Variants in PAX5 observed in about 807,000 individuals in gnomAD.
The protein encoded by PAX5 is paired box 5.
In PAX5, 9 loss-of-function variants were observed where a neutral mutation model predicts 43.7. The ratio of observed to expected loss-of-function variants is 0.21; its 90% confidence interval spans 0.12 to 0.36. The LOEUF is 0.36. PAX5 is among the 10% of genes least tolerant of loss of function. PAX5 has a pLI of 1.00. For missense variants in PAX5, 383 were observed against 532.7 expected, an observed-to-expected ratio of 0.72 and a Z score of 2.77; for synonymous variants, 228 against 214.3, an observed-to-expected ratio of 1.06 and a Z score of -0.56.
chr9:37,026,419 T>A lies in PAX5; in HGVS notation c.47-5618A>T, dbSNP rs534035394. The A allele has an allele frequency of 7.5e-6, 7 of 937,816 alleles. No individual in the cohort carries two copies. In the East Asian group the frequency reaches 2.9e-4, roughly 38 times the overall value. 58.1% of individuals were successfully genotyped at this position (937,816 alleles called of 1,614,324 possible). A position where few individuals can be genotyped will look rare whatever the true frequency, so the allele number is the denominator to read the frequency against. ...GATCCCTGCACTTTGCAAAGTTAGC[T>A]GCGCGGCTGCAGAGGTCCGAGATCC... On this transcript the variant is annotated intron_variant, in intron 1 of 9. Transcript: ENST00000358127.
intron 6 of PAX5, among the ~76,000 whole-genome samples, chr9:36,924,290 C>T (rs1181126208): frequency 6.6e-6 from 1 of 152,206 alleles, no homozygotes; most frequent in Non-Finnish European, 1.5e-5. Context: ...GTCATCCAAG[C>T]CACTGTCAGA....
intron 5 of PAX5, among the ~76,000 whole-genome samples, chr9:36,969,277 G>T (rs906500360): frequency 6.6e-6 from 1 of 152,206 alleles, no homozygotes; most frequent in East Asian, 1.9e-4. Context: ...TGCTCCATCA[G>T]ATCCCCTCAA....
At chr9:36,895,519 T>C (rs149863011) in intron 7 of PAX5, among the ~76,000 whole-genome samples, 70 of 152,284 alleles carry the variant, frequency 4.6e-4, no homozygotes, top group African/African-American at 1.6e-3. Context: ...TACACCTCAG[T>C]GTTCTCATTT....
At chr9:36,996,778 A>AG (rs1429651787) in intron 5 of PAX5, among the ~76,000 whole-genome samples, 1 of 152,092 alleles carries the variant, frequency 6.6e-6, no homozygotes, top group African/African-American at 2.4e-5. Context: ...GGCAGGGCTG[A>AG]GGGGGCGTCC....
chr9:36,866,978 T>C (rs2131681919), intron 8 of PAX5, among the ~76,000 whole-genome samples: 1 of 146,270 alleles, frequency 6.8e-6, no homozygotes, highest in Non-Finnish European at 1.5e-5. Flanking sequence ...GGCCCTCGGC[T>C]AGGGCCTCTG....
chr9:36,894,857 C>T (rs1261463835), intron 7 of PAX5, among the ~76,000 whole-genome samples: 17 of 152,238 alleles, frequency 1.1e-4, no homozygotes, highest in Admixed American at 1.1e-3. Context: ...CGATGGCTCC[C>T]CACTGCTTAC....
chr9:36,856,043 C>A (rs1020011529), intron 8 of PAX5, among the ~76,000 whole-genome samples: 5 of 152,182 alleles, frequency 3.3e-5, no homozygotes, highest in Non-Finnish European at 7.3e-5. Context: ...GTCTTGTTTC[C>A]CCTGCTGTTG....
chr9:36,946,251 C>T (rs564474732), intron 6 of PAX5, among the ~76,000 whole-genome samples: 1 of 152,148 alleles, frequency 6.6e-6, no homozygotes, highest in African/African-American at 2.4e-5. Flanking sequence ...CCCAGCTGCC[C>T]CTGAGCTTCA....
intron 6 of PAX5, among the ~76,000 whole-genome samples, chr9:36,935,314 A>G: frequency 6.6e-6 from 1 of 152,138 alleles, no homozygotes. Flanking sequence ...CGGGGGGCGG[A>G]GGTTGCAGTG....
intron 8 of PAX5, among the ~76,000 whole-genome samples, chr9:36,862,646 G>T (rs1333682562): frequency 6.6e-6 from 1 of 152,226 alleles, no homozygotes; most frequent in Non-Finnish European, 1.5e-5. Context: ...GGGGGCGTTT[G>T]GTCTGAAGCA....
intron 8 of PAX5, among the ~76,000 whole-genome samples, chr9:36,877,157 CA>C (rs1825990579): frequency 6.6e-6 from 1 of 152,038 alleles, no homozygotes; most frequent in African/African-American, 2.4e-5. Context: ...GACAGTATGG[CA>C]AAACCCGTCT....
chr9:36,895,665 G>A (rs1373339271), intron 7 of PAX5, among the ~76,000 whole-genome samples: 4 of 152,188 alleles, frequency 2.6e-5, no homozygotes, highest in African/African-American at 9.7e-5. Flanking sequence ...GCCTGTTACT[G>A]CCACCAATGT....
chr9:36,847,718 T>G (rs892181724), intron 8 of PAX5, among the ~76,000 whole-genome samples: 3 of 152,116 alleles, frequency 2.0e-5, no homozygotes, highest in Non-Finnish European at 2.9e-5. Flanking sequence ...GACCCGAACA[T>G]GGTTCACTCA....
chr9:36,962,602 G>C (rs557896874), intron 6 of PAX5, among the ~76,000 whole-genome samples: 1 of 152,132 alleles, frequency 6.6e-6, no homozygotes. Context: ...AGCTGTTCTT[G>C]TTGTTGTCGT....
chr9:36,912,913 G>T (rs1351086229), intron 7 of PAX5, among the ~76,000 whole-genome samples: 1 of 152,224 alleles, frequency 6.6e-6, no homozygotes, highest in East Asian at 1.9e-4. Flanking sequence ...CATAGATAGG[G>T]AAATGAGCTT....
intron 5 of PAX5, among the ~76,000 whole-genome samples, chr9:36,992,374 G>A (rs1837021681): frequency 6.6e-6 from 1 of 152,174 alleles, no homozygotes; most frequent in African/African-American, 2.4e-5. Flanking sequence ...TCTCCAGGTG[G>A]CTGCAGGCTA....
chr9:36,926,369 C>T (rs1215426764), intron 6 of PAX5, among the ~76,000 whole-genome samples: 2 of 152,142 alleles, frequency 1.3e-5, no homozygotes, highest in African/African-American at 2.4e-5. Context: ...CTTTGTTTCC[C>T]ATGTCAGTGG....
intron 6 of PAX5, among the ~76,000 whole-genome samples, chr9:36,951,401 C>T (rs1051940936): frequency 2.0e-5 from 3 of 152,148 alleles, no homozygotes; most frequent in African/African-American, 7.2e-5. Context: ...GACTCTGTTG[C>T]CAAGTGCGTA....
chr9:36,877,314 G>A (rs192601537), intron 8 of PAX5, among the ~76,000 whole-genome samples: 5 of 152,326 alleles, frequency 3.3e-5, no homozygotes, highest in East Asian at 3.9e-4. Flanking sequence ...CAGCTTGGGC[G>A]ACGGCCAGAG....
Sources: gnomAD v4.1 joint callset for allele counts (sites outside exome capture counted in the v4.1 genomes callset) on GRCh38, gnomAD v4.1.1 for gene constraint, MANE v1.5 for transcripts, NCBI Gene and HGNC (gene_info 2026-07-23, HGNC 2026-07-21) for gene names.